The following WDR26 variants were observed in gnomAD, a reference collection of about 807,000 sequenced individuals.
The protein encoded by WDR26 is WD repeat-containing protein 26.
A neutral mutation model predicts 84.1 loss-of-function variants in WDR26; 5 were observed. The ratio of observed to expected loss-of-function variants is 0.06; its 90% CI spans 0.03 to 0.13. The LOEUF is 0.13. Among genes scored for constraint, WDR26 ranks in the 10% least tolerant of loss-of-function variants. The pLI, the probability that WDR26 is intolerant of heterozygous loss-of-function variation, is 1.00. For missense variants in WDR26, 642 were observed against 974.9 expected (o/e 0.66, Z 4.55); for synonymous variants, 415 against 389.6 (o/e 1.07, Z -0.77).
chr1:224,412,631 A>C (rs1673770152), intron 6 of WDR26, among the ~76,000 whole-genome samples: 1 of 152,236 alleles, frequency 6.6e-6, no homozygotes, highest in African/African-American at 2.4e-5. Context: ...CATTTAAAAA[A>C]AAATCATTCT....
chr1:224,434,223 G>GGAGGAC lies in WDR26; in HGVS notation c.177_182dup (p.Ser66_Ser67dup), dbSNP rs1558452161. The stretch of plus-strand genomic sequence containing the variant: ...CCACCACGGAGGAGGAGGAGGAGGA[G>GGAGGAC]GAGGACGAGGACGACGAGGACGGAG... On this transcript the variant is annotated inframe_insertion, in exon 1 of 14. Coordinates refer to ENST00000414423, the MANE Select transcript of WDR26 (RefSeq NM_001379403.1). 54 of 1,393,774 alleles carry GGAGGAC rather than the reference G, an allele frequency of 3.9e-5. No homozygotes were observed. Among genetic ancestry groups the GGAGGAC allele is most frequent in the South Asian group, 1.2e-4 (7 of 58,042 alleles). 86.3% of individuals were successfully genotyped at this position (1,393,774 alleles called of 1,614,324 possible).
chr1:224,389,664 C>T lies in WDR26; in HGVS notation c.*171G>A, dbSNP rs1405503042. 5 of 685,754 alleles carry T rather than the reference C, an allele frequency of 7.3e-6. No homozygotes were observed. The allele number at this position is 685,754 out of a possible 1,614,324, so 42.5% of individuals were successfully genotyped here. A position where few individuals can be genotyped will look rare whatever the true frequency, so the allele number is the denominator to read the frequency against. On this transcript the variant is annotated 3_prime_UTR_variant, in exon 14 of 14. Transcript: ENST00000414423. ...CGACGTGCTTCATCTCAACTGGTTA[C>T]TATGAAGCAAGGTGTAAATGTTTGG... is the stretch of plus-strand genomic sequence containing the variant.
Position 224,434,200 on chromosome 1 carries a change from A to G in WDR26, c.206T>C (p.Val69Ala). ...AGCCGGGGGAAGTCCCACCACTACC[A>G]CCACGGAGGAGGAGGAGGAGGAGGA... Residue 69 changes from valine (V) to alanine (A), a missense_variant, in exon 1 of 14, where the codon GTG becomes GCG. Around this residue, in one of 2 missense-constraint regions of WDR26, gnomAD observed 291 missense variants for 302.1 expected, o/e 0.96. Coordinates refer to ENST00000414423, the MANE Select transcript of WDR26 (RefSeq NM_001379403.1). 7.1e-7 allele frequency: 1 copy of G among 1,404,484 alleles called. No homozygotes were observed. The highest frequency in any genetic ancestry group is 9.2e-7 in the Non-Finnish European group (1 of 1,085,754). 87.0% of individuals were successfully genotyped at this position (1,404,484 alleles called of 1,614,324 possible). A position where few individuals can be genotyped will look rare whatever the true frequency, so the allele number is the denominator to read the frequency against.
intron 8 of WDR26, among the ~76,000 whole-genome samples, chr1:224,402,882 T>C (rs1275449356): frequency 1.3e-5 from 2 of 152,176 alleles, no homozygotes; most frequent in Non-Finnish European, 2.9e-5. Context: ...ATTGTGGATT[T>C]TGATCATGAG....
At chr1:224,394,593 CTCCCGGGTTCAAGCGAT>C (rs1355329739) in intron 12 of WDR26, among the ~76,000 whole-genome samples, 1 of 139,000 alleles carries the variant, frequency 7.2e-6, no homozygotes, top group East Asian at 1.9e-4. Context: ...CAACCTCCAC[CTCCCGGGTTCAAGCGAT>C]TCTCCTGCCT....
chr1:224,412,625 T>TA (rs917458506), intron 6 of WDR26, among the ~76,000 whole-genome samples: 8 of 151,894 alleles, frequency 5.3e-5, no homozygotes, highest in East Asian at 3.9e-4. Context: ...AGCACTCATT[T>TA]AAAAAAAAAT....
At chr1:224,433,600 T>TCCCCCCCCCCCCCCCCCCCC in intron 1 of WDR26, 84 bp downstream of exon 1, 1 of 287,054 alleles carries the variant, frequency 3.5e-6, no homozygotes. Flanking sequence ...CAAGCCCCCC[T>TCCCCCCCCCCCCCCCCCCCC]CCCCCCTCCG....
intron 8 of WDR26, chr1:224,402,101 A>T (rs959615207): frequency 2.0e-5 from 3 of 152,220 alleles, no homozygotes; most frequent in Admixed American, 2.0e-4. Flanking sequence ...GTACATGGGG[A>T]TAGTTTTCCT....
At chr1:224,422,358 TAA>T (rs1254809749) in intron 4 of WDR26, among the ~76,000 whole-genome samples, 1 of 152,052 alleles carries the variant, frequency 6.6e-6, no homozygotes, top group African/African-American at 2.4e-5. Context: ...GGCAAGGGAG[TAA>T]AGACTTCATT....
intron 8 of WDR26, among the ~76,000 whole-genome samples, chr1:224,403,675 G>A (rs377302102): frequency 1.3e-5 from 2 of 152,134 alleles, no homozygotes; most frequent in Non-Finnish European, 1.5e-5. Context: ...GGTGGCTCAC[G>A]CCTGTAGTCC....
In WDR26 at chr1:224,425,134, G is replaced by A. The variant is rs76378944; in HGVS notation, c.928-480C>T. 2.4e-4 allele frequency among the ~76,000 whole-genome samples: 37 copies of A among 152,324 alleles called. No individual in the cohort carries two copies. In the East Asian group the frequency reaches 6.5e-3, roughly 27 times the overall value. On this transcript the variant is annotated intron_variant, in intron 3 of 13. Coordinates refer to ENST00000414423, the MANE Select transcript of WDR26 (RefSeq NM_001379403.1). ...AGTCACAATGTGAAAGAGGGAATAA[G>A]TAGACCAGAAATCAGAACTAGACAC...
chr1:224,433,783 G>A lies in WDR26; in HGVS notation c.623C>T (p.Pro208Leu), dbSNP rs963719048. ...CTTCTTGAGGCTGCTGCCCAGTTCTGGGGTGGCCAAGGAAGAGGAGGCGGC... is the reference window on the plus strand; with the variant it reads ...CTTCTTGAGGCTGCTGCCCAGTTCTAGGGTGGCCAAGGAAGAGGAGGCGGC... Residue 208 changes from proline to leucine, a missense_variant, in exon 1 of 14, where the codon CCA (proline) becomes CTA (leucine). Transcript: ENST00000414423. 7.8e-6 allele frequency: 12 copies of A among 1,536,936 alleles called. No individual in the cohort carries two copies. The highest frequency in any genetic ancestry group is 1.0e-5 in the Non-Finnish European group (12 of 1,146,782).
intron 3 of WDR26, chr1:224,431,250 AT>A: frequency 7.1e-6 from 3 of 421,788 alleles, no homozygotes; most frequent in South Asian, 6.8e-5. Flanking sequence ...CTTTCAATAT[AT>A]TTTTTGTAGA....
intron 4 of WDR26, among the ~76,000 whole-genome samples, chr1:224,423,670 C>T (rs1047118700): frequency 1.3e-5 from 2 of 152,166 alleles, no homozygotes; most frequent in African/African-American, 4.8e-5. Context: ...ATGGCTTGAG[C>T]CCAGAAACTA....
Position 224,433,808 on chromosome 1 carries a change from C to T in WDR26, c.598G>A (p.Ala200Thr). 5 of 1,536,892 alleles carry T rather than the reference C, an allele frequency of 3.3e-6. No individual in the cohort carries two copies. Among genetic ancestry groups the T allele is most frequent in the Non-Finnish European group, 3.5e-6 (4 of 1,146,788 alleles). ...GGGGTGGCCAAGGAAGAGGAGGCGG[C>T]GGTGGTGGCGGAGGCAGCTGCGACG... The change falls in exon 1 of 14, where the codon GCC (alanine) becomes ACC (threonine). Residue 200 changes from alanine (A) to threonine (T), a missense_variant. Around this residue, in one of 2 missense-constraint regions of WDR26, gnomAD observed 291 missense variants for 302.1 expected, o/e 0.96. Coordinates refer to ENST00000414423, the MANE Select transcript of WDR26 (RefSeq NM_001379403.1).
chr1:224,423,975 T>C (rs767778465), intron 4 of WDR26, among the ~76,000 whole-genome samples: 7 of 152,170 alleles, frequency 4.6e-5, no homozygotes, highest in Non-Finnish European at 1.0e-4. Context: ...CTCATGCCTG[T>C]AATCCCTGCA....
intron 7 of WDR26, among the ~76,000 whole-genome samples, chr1:224,407,122 TAAAAAAAA>T (rs1158264938): frequency 8.6e-5 from 1 of 11,676 alleles, no homozygotes; most frequent in African/African-American, 2.9e-4. Flanking sequence ...ACTCTGTCTT[TAAAAAAAA>T]AAAAAAAAAA....
rs1294730473 is a variant in WDR26 at position 224,434,612 on chromosome 1, G to A, written c.-207C>T. ...GAGGCAGCTCGGGGTGCGCGGCCCG[G>A]GGGTCGCGCCGGGGGGCGCCGCGGG... is the stretch of plus-strand genomic sequence containing the variant. On this transcript the variant is annotated 5_prime_UTR_variant, in exon 1 of 14. Transcript: ENST00000414423. The A allele has an allele frequency of 5.4e-6, 3 of 551,054 alleles. No homozygotes were observed. Among genetic ancestry groups the A allele is most frequent in the Non-Finnish European group, 6.9e-6 (3 of 436,064 alleles). 34.1% of individuals were successfully genotyped at this position (551,054 alleles called of 1,614,324 possible).
rs1673329728 is a variant in WDR26 at position 224,398,805 on chromosome 1, T to C, written c.1865+84A>G. On this transcript the variant is annotated intron_variant, in intron 10 of 13. Transcript: ENST00000414423. ...ACCACGCAAACCAAAACGAAAAACA[T>C]AAAAACTGTGAAAAGGCAAGTTCCA... 8 of 1,552,924 alleles carry C rather than the reference T, an allele frequency of 5.2e-6. No homozygotes were observed. In the South Asian group the frequency reaches 9.4e-5, roughly 18 times the overall value.
Sources: gnomAD v4.1 joint callset for allele counts (sites outside exome capture counted in the v4.1 genomes callset) on GRCh38, gnomAD v4.1.1 for gene constraint, gnomAD v4.1.1 regional missense constraint, MANE v1.5 for transcripts, NCBI Gene and HGNC (gene_info 2026-07-23, HGNC 2026-07-21) for gene names.